PRKAR1A: variants seen among roughly 807,000 people sequenced by gnomAD.
PRKAR1A encodes the protein cAMP-dependent protein kinase type I-alpha regulatory subunit.
PRKAR1A carries 3 observed loss-of-function variants against 52.0 expected under a neutral mutation model. The observed-to-expected ratio is 0.06, with a 90% confidence interval of 0.03 to 0.15. The LOEUF (loss-of-function observed/expected upper bound fraction) is 0.15. Among genes scored for constraint, PRKAR1A ranks in the 10% least tolerant of loss-of-function variants. PRKAR1A has a pLI of 1.00. For missense variants in PRKAR1A, 240 were observed against 477.4 expected (o/e 0.50, Z 4.63); for synonymous variants, 188 against 168.4 (o/e 1.12, Z -0.90).
intron 7 of PRKAR1A, chr17:68,527,506 A>G (rs2085828741): frequency 1.1e-5 from 3 of 277,774 alleles, no homozygotes; most frequent in African/African-American, 6.7e-5. Context: ...GTGTGTGGAA[A>G]AATATCTTGA....
intron 11 of PRKAR1A, among the ~76,000 whole-genome samples, chr17:68,550,889 A>G (rs572361166): frequency 3.3e-5 from 5 of 152,106 alleles, no homozygotes; most frequent in African/African-American, 9.6e-5. Context: ...TGGGACTGAA[A>G]CTCTTTATTC....
the PRKAR1A span, among the ~76,000 whole-genome samples, chr17:68,431,383 C>T: frequency 1.3e-5 from 2 of 151,848 alleles, no homozygotes; most frequent in Non-Finnish European, 2.9e-5. Flanking sequence ...GAGCCCGGCA[C>T]GTGGCGCATA....
chr17:68,448,022 G>C, the PRKAR1A span, among the ~76,000 whole-genome samples: 2 of 150,386 alleles, frequency 1.3e-5, no homozygotes, highest in African/African-American at 4.9e-5. Context: ...AAGGGATTTT[G>C]GATCCTTATA....
the PRKAR1A span, among the ~76,000 whole-genome samples, chr17:68,470,580 A>G: frequency 2.0e-5 from 3 of 152,370 alleles, no homozygotes; most frequent in East Asian, 3.9e-4. Flanking sequence ...ATATTAAAAT[A>G]CATTTGCATT....
the PRKAR1A span, chr17:68,435,482 C>A: frequency 1.6e-5 from 13 of 825,628 alleles, no homozygotes; most frequent in Admixed American, 2.6e-4. Context: ...GCCAGAAATT[C>A]TCCCTCTGAA....
At chr17:68,434,456 G>C in the PRKAR1A span, 2 of 1,226,942 alleles carry the variant, frequency 1.6e-6, no homozygotes, top group Non-Finnish European at 2.3e-6. Context: ...GGTGAGTGGA[G>C]GGCACAGAGC....
the PRKAR1A span, among the ~76,000 whole-genome samples, chr17:68,463,946 T>C: frequency 1.2e-4 from 19 of 152,366 alleles, 1 homozygote; most frequent in East Asian, 3.5e-3. Flanking sequence ...CCCAGCATTA[T>C]GTTTATTTAA....
At chr17:68,505,290 C>CA in the PRKAR1A span, among the ~76,000 whole-genome samples, 2 of 151,902 alleles carry the variant, frequency 1.3e-5, no homozygotes, top group Admixed American at 6.6e-5. Context: ...GACTCTGTCT[C>CA]AAAAAATATA....
chr17:68,516,929 C>T (rs2143176531), intron 2 of PRKAR1A, among the ~76,000 whole-genome samples: 1 of 152,270 alleles, frequency 6.6e-6, no homozygotes, highest in African/African-American at 2.4e-5. Context: ...AAGGTGATCC[C>T]TCTTCTTTGG....
the PRKAR1A span, chr17:68,429,964 G>A: frequency 6.2e-7 from 1 of 1,613,140 alleles, no homozygotes; most frequent in Non-Finnish European, 8.5e-7. Context: ...CGAAAGTGTG[G>A]TCTTGTTCAG....
the PRKAR1A span, among the ~76,000 whole-genome samples, chr17:68,499,637 G>A: frequency 4.6e-5 from 7 of 152,354 alleles, no homozygotes; most frequent in Admixed American, 1.3e-4. Flanking sequence ...GAAAATGCAC[G>A]TTGGGTTTCT....
At chr17:68,481,498 C>T in the PRKAR1A span, among the ~76,000 whole-genome samples, 2 of 152,146 alleles carry the variant, frequency 1.3e-5, no homozygotes, top group Non-Finnish European at 2.9e-5. Flanking sequence ...CAGCCTAGAT[C>T]CCTCACATGC....
the PRKAR1A span, among the ~76,000 whole-genome samples, chr17:68,441,738 C>T: frequency 6.6e-6 from 1 of 152,174 alleles, no homozygotes. Flanking sequence ...GTAACGCTCT[C>T]CGTGGCAACT....
At chr17:68,541,729 GGA>G in intron 11 of PRKAR1A, 1 of 419,406 alleles carries the variant, frequency 2.4e-6, no homozygotes, top group South Asian at 4.1e-5. Flanking sequence ...AGCTTCTCAA[GGA>G]GAGAGTCTGA....
At chr17:68,453,055 A>AAAGGC in the PRKAR1A span, 9 of 1,397,808 alleles carry the variant, frequency 6.4e-6, no homozygotes, top group Non-Finnish European at 9.1e-6. Flanking sequence ...TCTGTCTGCA[A>AAAGGC]ATAGATGCCT....
At chr17:68,448,787 CTT>C in the PRKAR1A span, among the ~76,000 whole-genome samples, 2 of 152,222 alleles carry the variant, frequency 1.3e-5, no homozygotes, top group African/African-American at 4.8e-5. Context: ...AGCAGCGAAA[CTT>C]AATCTGCTAC....
At chr17:68,418,211 T>C in the PRKAR1A span, among the ~76,000 whole-genome samples, 1 of 152,192 alleles carries the variant, frequency 6.6e-6, no homozygotes, top group African/African-American at 2.4e-5. Flanking sequence ...CTGAGAGTGT[T>C]GATTTTTGTT....
At chr17:68,514,738 C>G (rs1029583707) in intron 1 of PRKAR1A, 1 of 152,058 alleles carries the variant, frequency 6.6e-6, no homozygotes, top group Non-Finnish European at 1.5e-5. Context: ...AAGGATTTTC[C>G]TTCTTTTACC....
the PRKAR1A span, chr17:68,433,484 C>G: frequency 6.2e-7 from 1 of 1,613,850 alleles, no homozygotes; most frequent in South Asian, 1.1e-5. Context: ...GTGACCTGTT[C>G]CAGCTTGAAG....
Sources: gnomAD v4.1 joint callset for allele counts (sites outside exome capture counted in the v4.1 genomes callset) on GRCh38, gnomAD v4.1.1 for gene constraint, MANE v1.5 for transcripts, NCBI Gene and HGNC (gene_info 2026-07-23, HGNC 2026-07-21) for gene names.